RGPD4: variants seen among roughly 807,000 people sequenced by gnomAD.
The protein encoded by RGPD4 is ranBP2-like and GRIP domain-containing protein 4.
RGPD4 carries 84 observed loss-of-function variants against 141.1 expected under a neutral mutation model. The observed-to-expected ratio is 0.60, with a 90% CI of 0.50 to 0.71. The LOEUF is 0.71. RGPD4 is among the 30% of genes least tolerant of loss of function. The pLI is 0.00. For synonymous variants in RGPD4, 298 were observed against 566.8 expected (o/e 0.53, Z 6.74); for missense variants, 918 against 1,622.4 (o/e 0.57, Z 7.46).
intron 1 of RGPD4, among the ~76,000 whole-genome samples, chr2:107,827,809 C>T (rs1347268914): frequency 3.7e-4 from 10 of 26,880 alleles, no homozygotes; most frequent in South Asian, 2.1e-3. Context: ...CCCGGCCCGG[C>T]GGCGGCCTCG....
intron 20 of RGPD4, among the ~76,000 whole-genome samples, chr2:107,874,811 G>T (rs1375926369): frequency 1.3e-5 from 2 of 151,378 alleles, no homozygotes; most frequent in South Asian, 2.1e-4. Flanking sequence ...TACCCAAGGG[G>T]TCTTTACTGA....
chr2:107,874,620 C>T (rs1243350587), intron 20 of RGPD4, among the ~76,000 whole-genome samples: 5 of 151,036 alleles, frequency 3.3e-5, no homozygotes, highest in East Asian at 1.9e-4. Context: ...TGTATACTTG[C>T]GTACAGTTTC....
chr2:107,880,627 C>T (rs1159106805), intron 21 of RGPD4, among the ~76,000 whole-genome samples: 9 of 150,040 alleles, frequency 6.0e-5, no homozygotes, highest in African/African-American at 1.5e-4. Flanking sequence ...CCTAAGAAAC[C>T]GTAATAGATT....
At chr2:107,832,434 G>C (rs1286165242) in intron 1 of RGPD4, among the ~76,000 whole-genome samples, 4 of 150,870 alleles carry the variant, frequency 2.7e-5, no homozygotes, top group Non-Finnish European at 4.4e-5. Flanking sequence ...AAGTGGATGA[G>C]AGGTTTTTTT....
intron 1 of RGPD4, among the ~76,000 whole-genome samples, chr2:107,827,790 C>A (rs1433257130): frequency 2.8e-4 from 8 of 28,730 alleles, no homozygotes; most frequent in African/African-American, 5.4e-4. Context: ...GTTGAGGCGG[C>A]GGCCTCGACC....
rs1209764533 is a variant in RGPD4, at chr2:107,829,311, G to T, written c.72+2226G>T. Among the ~76,000 whole-genome samples, 7 of 41,338 alleles carry T rather than the reference G, an allele frequency of 1.7e-4. 3 individuals are homozygous for T. In the South Asian group the frequency reaches 8.2e-3, roughly 49 times the overall value. The allele number at this position is 41,338 out of a possible 152,430, so 27.1% of individuals were successfully genotyped here. A position where few individuals can be genotyped will look rare whatever the true frequency, so the allele number is the denominator to read the frequency against. On this transcript the variant is annotated intron_variant, in intron 1 of 22. Coordinates refer to ENST00000408999, the MANE Select transcript of RGPD4 (RefSeq NM_182588.3). The stretch of plus-strand genomic sequence containing the variant: ...GCGGCCTGGATGGCTCAGGCGTCAT[G>T]GCTCCCGATGGGCGCTGCTCCCTGG...
At chr2:107,880,389 A>G (rs1675325918) in intron 21 of RGPD4, among the ~76,000 whole-genome samples, 2 of 141,836 alleles carry the variant, frequency 1.4e-5, no homozygotes, top group South Asian at 4.4e-4. Flanking sequence ...TCAGCCTCCC[A>G]AGTAGCTGGG....
At chr2:107,827,108 G>A (rs539090292) in intron 1 of RGPD4, 23 bp downstream of exon 1, 6 of 1,577,826 alleles carry the variant, frequency 3.8e-6, no homozygotes, top group East Asian at 2.3e-5. Context: ...CGAAGAGACC[G>A]ACGGCCTCGA....
chr2:107,872,165 T>A lies in RGPD4; in HGVS notation c.4161T>A (p.Asn1387Lys). The change falls in exon 20 of 23, where the codon AAT (asparagine) becomes AAA (lysine). Residue 1387 changes from asparagine (N) to lysine (K), a missense_variant. Transcript: ENST00000408999. ...RGIGDIKILQ[N>K]YDNKQVRIVM... ...TTGGTGATATAAAGATTTTACAGAATTATGATAATAAGCAAGTTCGTATAG... is the reference window on the plus strand; with the variant it reads ...TTGGTGATATAAAGATTTTACAGAAATATGATAATAAGCAAGTTCGTATAG... The A allele has an allele frequency of 6.2e-7, 1 of 1,611,514 alleles. No individual in the cohort carries two copies. Among genetic ancestry groups the A allele is most frequent in the Middle Eastern group, 2.3e-4 (1 of 4,430 alleles).
rs1174120432 is a variant in RGPD4, at chr2:107,844,417, A to T, written c.782+687A>T. On this transcript the variant is annotated intron_variant, in intron 6 of 22. Transcript: ENST00000408999. The stretch of plus-strand genomic sequence containing the variant: ...ATGTATTGTCTGTGGCTGCTTACAT[A>T]CTACAAGATTGGAGTTGAGTGGTTG... Among the ~76,000 whole-genome samples, 3 of 152,334 alleles carry T rather than the reference A, an allele frequency of 2.0e-5. No homozygotes were observed. The East Asian group carries it at 5.8e-4, about 29-fold the overall frequency.
At chr2:107,852,544 A>G in intron 7 of RGPD4, among the ~76,000 whole-genome samples, 1 of 88,880 alleles carries the variant, frequency 1.1e-5, no homozygotes, top group Non-Finnish European at 2.2e-5. Flanking sequence ...TAGGTTCATA[A>G]ATCATATATT....
Position 107,882,849 on chromosome 2 carries a change from G to T in RGPD4, c.5242G>T (p.Gly1748Ter). 1 of 1,609,440 alleles carries T rather than the reference G, an allele frequency of 6.2e-7. No homozygotes were observed. Among genetic ancestry groups the T allele is most frequent in the Non-Finnish European group, 8.5e-7 (1 of 1,179,072 alleles). The part of the protein sequence containing the change: ...TMLQLSPEEK[G>*]KLAAVAQGEE The stretch of plus-strand genomic sequence containing the variant: ...GTTGCAGCTCAGCCCTGAAGAAAAG[G>T]GAAAACTTGCTGCGGTTGCTCAAGG... The change falls in exon 22 of 23, where the codon GGA (glycine) becomes TGA (stop). Residue 1748 changes from glycine (G) to a stop codon, truncating the protein, a stop_gained. Coordinates refer to ENST00000408999, the MANE Select transcript of RGPD4 (RefSeq NM_182588.3). LOFTEE classifies it high-confidence loss of function.
chr2:107,875,549 G>A (rs1003193929), intron 20 of RGPD4, among the ~76,000 whole-genome samples: 5 of 143,368 alleles, frequency 3.5e-5, no homozygotes, highest in Non-Finnish European at 6.0e-5. Flanking sequence ...AACTCCTTTA[G>A]CCAGAAGTTC....
At chr2:107,887,408 C>T in intron 22 of RGPD4, among the ~76,000 whole-genome samples, 1 of 152,086 alleles carries the variant, frequency 6.6e-6, no homozygotes, top group Non-Finnish European at 1.5e-5. Context: ...GTATCATCAG[C>T]TCTAGATATA....
intron 22 of RGPD4, among the ~76,000 whole-genome samples, chr2:107,883,379 C>A (rs1217716478): frequency 6.6e-6 from 1 of 151,550 alleles, no homozygotes; most frequent in Non-Finnish European, 1.5e-5. Flanking sequence ...TGCCTATAAT[C>A]CCACCACTTT....
In RGPD4 at chr2:107,831,599, G is replaced by A. The variant is rs1237037791; in HGVS notation, c.72+4514G>A. On this transcript the variant is annotated intron_variant, in intron 1 of 22. Coordinates refer to ENST00000408999, the MANE Select transcript of RGPD4 (RefSeq NM_182588.3). ...TTTTTTTTTTTTTTTTTTTTGAGAC[G>A]GAGTCTCGCTCTATCGTCCAGGCTG... 1.0e-4 allele frequency among the ~76,000 whole-genome samples: 6 copies of A among 59,222 alleles called. No individual in the cohort carries two copies. In the South Asian group the frequency reaches 1.7e-3, roughly 17 times the overall value. 38.9% of individuals were successfully genotyped at this position (59,222 alleles called of 152,430 possible). A position where few individuals can be genotyped will look rare whatever the true frequency, so the allele number is the denominator to read the frequency against.
At chr2:107,885,472 G>T (rs925096102) in intron 22 of RGPD4, among the ~76,000 whole-genome samples, 47 of 152,098 alleles carry the variant, frequency 3.1e-4, no homozygotes, top group African/African-American at 1.1e-3. Context: ...ATAAGTTAAG[G>T]GTCCATTGAT....
chr2:107,872,956 A>C, intron 20 of RGPD4, 28 bp downstream of exon 20: 1 of 1,373,226 alleles, frequency 7.3e-7, no homozygotes, highest in African/African-American at 1.8e-5. Flanking sequence ...AAAGTTAAGC[A>C]CAATTTTTCT....
chr2:107,866,926 A>C (rs1006903846), intron 18 of RGPD4, among the ~76,000 whole-genome samples: 1 of 129,180 alleles, frequency 7.7e-6, no homozygotes, highest in African/African-American at 2.9e-5. Flanking sequence ...CATTTATTAG[A>C]GTATACAGTA....
Sources: allele counts gnomAD v4.1 joint callset (sites outside exome capture counted in the v4.1 genomes callset), GRCh38; gene constraint gnomAD v4.1.1; transcripts MANE v1.5; gene names NCBI Gene and HGNC (gene_info 2026-07-23, HGNC 2026-07-21).